GLT8D2: variants seen among roughly 807,000 people sequenced by gnomAD.
GLT8D2 encodes the protein glycosyltransferase 8 domain containing 2, also known as glycosyltransferase 8 domain-containing protein 2.
In GLT8D2, 45 loss-of-function variants were observed where a neutral mutation model predicts 44.5. The ratio of observed to expected loss-of-function variants is 1.01; its 90% confidence interval spans 0.80 to 1.30. The LOEUF (loss-of-function observed/expected upper bound fraction) is 1.30, where lower values mean the gene tolerates loss of function less well. Ranked by LOEUF, GLT8D2 falls within the 50% of genes most tolerant of loss-of-function variation. The pLI, the probability that GLT8D2 is intolerant of heterozygous loss-of-function variation, is 0.00. For missense variants in GLT8D2, 400 were observed against 430.4 expected (o/e 0.93, Z 0.62); for synonymous variants, 156 against 157.2 (o/e 0.99, Z 0.06).
rs75678303 is a variant in GLT8D2, at chr12:104,000,420, T to C, written c.285-906A>G. On this transcript the variant is annotated intron_variant, in intron 5 of 10. Coordinates refer to ENST00000360814, the MANE Select transcript of GLT8D2 (RefSeq NM_001384711.1). ...GGCAAACTTAAAAAGATTGATTTTATACTAAGTGTTAGTGAGAACATGCTG... is the reference window on the plus strand; with the variant it reads ...GGCAAACTTAAAAAGATTGATTTTACACTAAGTGTTAGTGAGAACATGCTG... Among the ~76,000 whole-genome samples the C allele has an allele frequency of 4.9e-3, 742 of 152,346 alleles. 6 individuals are homozygous for C. The highest frequency in any genetic ancestry group is 0.017 in the African/African-American group (692 of 41,582).
At chr12:104,048,888 A>G (rs1881438375) in intron 1 of GLT8D2, among the ~76,000 whole-genome samples, 1 of 152,208 alleles carries the variant, frequency 6.6e-6, no homozygotes, top group African/African-American at 2.4e-5. Context: ...CAGATGAGGA[A>G]CTAGGGTGCA....
intron 1 of GLT8D2, among the ~76,000 whole-genome samples, chr12:104,022,096 G>T (rs187454396): frequency 7.3e-5 from 11 of 150,886 alleles, no homozygotes; most frequent in African/African-American, 2.4e-4. Flanking sequence ...AAGAAAGAAA[G>T]AAGAAAAGAA....
chr12:104,044,557 C>T (rs1293900638), intron 1 of GLT8D2, among the ~76,000 whole-genome samples: 1 of 152,214 alleles, frequency 6.6e-6, no homozygotes, highest in Non-Finnish European at 1.5e-5. Flanking sequence ...TACAGAAACT[C>T]CTTCTCTGGG....
chr12:104,025,559 GCCTAA>G (rs2136404687), intron 1 of GLT8D2, among the ~76,000 whole-genome samples: 1 of 152,078 alleles, frequency 6.6e-6, no homozygotes, highest in African/African-American at 2.4e-5. Context: ...ATAAATTTTG[GCCTAA>G]CCTAAGGTCA....
rs1881561602 is a variant in GLT8D2 at position 104,049,944 on chromosome 12, G to C, written c.-213C>G. Reference sequence around the variant, plus strand: ...TTGGGCTCCTCGGTCCAGAAGAGCTGCAAGGCAGAGCGTTCAAATCGTGGC... The same window carrying C: ...TTGGGCTCCTCGGTCCAGAAGAGCTCCAAGGCAGAGCGTTCAAATCGTGGC... On this transcript the variant is annotated 5_prime_UTR_variant, in exon 1 of 11. Coordinates refer to ENST00000360814, the MANE Select transcript of GLT8D2 (RefSeq NM_001384711.1). 1 of 152,454 alleles carries C rather than the reference G, an allele frequency of 6.6e-6. No individual in the cohort carries two copies. The highest frequency in any genetic ancestry group is 1.5e-5 in the Non-Finnish European group (1 of 68,190). The allele number at this position is 152,454 out of a possible 1,614,324, so 9.4% of individuals were successfully genotyped here. A position where few individuals can be genotyped will look rare whatever the true frequency, so the allele number is the denominator to read the frequency against.
chr12:104,005,688 A>G (rs1272438330), intron 4 of GLT8D2, among the ~76,000 whole-genome samples: 2 of 152,210 alleles, frequency 1.3e-5, no homozygotes, highest in Non-Finnish European at 2.9e-5. Flanking sequence ...ATGAGATACC[A>G]TCTCACACCA....
At chr12:104,041,247 C>G (rs1234926174) in intron 1 of GLT8D2, among the ~76,000 whole-genome samples, 1 of 152,132 alleles carries the variant, frequency 6.6e-6, no homozygotes, top group Non-Finnish European at 1.5e-5. Flanking sequence ...AACGCTGTCT[C>G]TACTAAAAAT....
intron 4 of GLT8D2, among the ~76,000 whole-genome samples, chr12:104,011,812 T>G (rs943780568): frequency 6.6e-6 from 1 of 152,118 alleles, no homozygotes; most frequent in Non-Finnish European, 1.5e-5. Flanking sequence ...CTCTGCTTTA[T>G]AACAATATAT....
chr12:104,063,913 T>C (rs908025283), intron 1 of GLT8D2: 7 of 152,350 alleles, frequency 4.6e-5, no homozygotes, highest in Admixed American at 4.6e-4. Flanking sequence ...TAGAAAACCA[T>C]CTCTCCTCTG....
chr12:104,036,062 C>T (rs1303055078), intron 1 of GLT8D2, among the ~76,000 whole-genome samples: 1 of 151,784 alleles, frequency 6.6e-6, no homozygotes, highest in African/African-American at 2.4e-5. Flanking sequence ...TCATATCCAG[C>T]CAAACTAAGT....
intron 1 of GLT8D2, chr12:104,030,741 G>A (rs1879142473): frequency 1.9e-6 from 3 of 1,612,116 alleles, no homozygotes; most frequent in Non-Finnish European, 1.7e-6. Flanking sequence ...TCCGGAATCT[G>A]CTAATCCCAG....
Position 103,993,935 on chromosome 12 carries a change from G to A in GLT8D2, c.767+400C>T, listed in dbSNP as rs191957668. The A allele has an allele frequency of 5.8e-3, 937 of 162,214 alleles. 3 individuals carry two copies. Among genetic ancestry groups the A allele is most frequent in the Non-Finnish European group, 9.9e-3 (742 of 75,196 alleles). The allele number at this position is 162,214 out of a possible 1,614,324, so 10.0% of individuals were successfully genotyped here. ...TTTATCTTCTCTATTTTAAAACTCCGATAACGAAAAATTATAAATTATAAA... is the reference window on the plus strand; with the variant it reads ...TTTATCTTCTCTATTTTAAAACTCCAATAACGAAAAATTATAAATTATAAA... On this transcript the variant is annotated intron_variant, in intron 9 of 10. Transcript: ENST00000360814.
At chr12:103,997,366 T>C (rs920738861) in intron 7 of GLT8D2, 85 bp downstream of exon 7, 6 of 959,534 alleles carry the variant, frequency 6.3e-6, no homozygotes, top group Non-Finnish European at 1.0e-5. Flanking sequence ...GCTGCACAAT[T>C]AGTTATTTGA....
At chr12:104,021,894 GAAGAAGAA>G (rs1566202222) in intron 1 of GLT8D2, among the ~76,000 whole-genome samples, 2 of 9,978 alleles carry the variant, frequency 2.0e-4, no homozygotes, top group African/African-American at 6.2e-4. Context: ...AGAAGAAGAA[GAAGAAGAA>G]GAAGAAGAAG....
chr12:104,039,945 A>C (rs1593566856), intron 1 of GLT8D2, among the ~76,000 whole-genome samples: 1 of 152,240 alleles, frequency 6.6e-6, no homozygotes. Context: ...GCACATATAC[A>C]CCATGGAATA....
At chr12:104,058,476 G>T (rs1322831286) in intron 1 of GLT8D2, among the ~76,000 whole-genome samples, 1 of 152,202 alleles carries the variant, frequency 6.6e-6, no homozygotes, top group Non-Finnish European at 1.5e-5. Context: ...ATTGGGGGGT[G>T]TGAAGCCAGA....
chr12:103,994,160 T>C (rs916835294), intron 9 of GLT8D2, 175 bp downstream of exon 9: 7 of 494,442 alleles, frequency 1.4e-5, no homozygotes, highest in Non-Finnish European at 2.4e-5. Flanking sequence ...GATTTATATC[T>C]TTTGAGGAAA....
chr12:103,996,533 A>T (rs1223855089), intron 8 of GLT8D2, among the ~76,000 whole-genome samples: 1 of 152,222 alleles, frequency 6.6e-6, no homozygotes, highest in African/African-American at 2.4e-5. Context: ...AGGGCTAAAG[A>T]AAGTTGCCCC....
chr12:104,016,763 GAAAGAAAGAAA>G (rs1566199591), intron 3 of GLT8D2, among the ~76,000 whole-genome samples: 245 of 93,162 alleles, frequency 2.6e-3, no homozygotes, highest in Admixed American at 5.9e-3. Flanking sequence ...AAGAAAGAAA[GAAAGAAAGAAA>G]GAAGGAAGGA....
Sources: gnomAD v4.1 joint callset for allele counts (sites outside exome capture counted in the v4.1 genomes callset) on GRCh38, gnomAD v4.1.1 for gene constraint, MANE v1.5 for transcripts, NCBI Gene and HGNC (gene_info 2026-07-23, HGNC 2026-07-21) for gene names.